Variants in PCDH15 observed in about 807,000 individuals in gnomAD.
PCDH15 encodes protocadherin-15.
PCDH15 carries 129 observed loss-of-function variants against 178.5 expected under a neutral mutation model. The ratio of observed to expected loss-of-function variants is 0.72; its 90% confidence interval spans 0.63 to 0.84. The LOEUF is 0.84. PCDH15 is among the 40% of genes least tolerant of loss of function. The pLI, the probability that PCDH15 is intolerant of heterozygous loss-of-function variation, is 0.00. For synonymous variants in PCDH15, 800 were observed against 732.0 expected (o/e 1.09, Z -1.50); for missense variants, 2,230 against 2,099.9 (o/e 1.06, Z -1.21).
At chr10:54,546,433 T>C (rs1019134404) in intron 2 of PCDH15, among the ~76,000 whole-genome samples, 1 of 152,112 alleles carries the variant, frequency 6.6e-6, no homozygotes, top group African/African-American at 2.4e-5. Flanking sequence ...GAAACATTAT[T>C]ATTGTTATTA....
At chr10:54,190,183 T>G (rs183625354) in intron 11 of PCDH15, among the ~76,000 whole-genome samples, 1 of 152,092 alleles carries the variant, frequency 6.6e-6, no homozygotes, top group African/African-American at 2.4e-5. Flanking sequence ...TTTACGCAAA[T>G]GGATCCAAAC....
intron 20 of PCDH15, among the ~76,000 whole-genome samples, chr10:53,999,685 C>T (rs1443730264): frequency 6.6e-6 from 1 of 152,104 alleles, no homozygotes; most frequent in Non-Finnish European, 1.5e-5. Context: ...AGTGCCTGCT[C>T]AGCCACAGTA....
At chr10:53,852,221 C>G (rs1412798732) in intron 28 of PCDH15, among the ~76,000 whole-genome samples, 1 of 151,920 alleles carries the variant, frequency 6.6e-6, no homozygotes, top group Non-Finnish European at 1.5e-5. Flanking sequence ...AATTATTTGT[C>G]CATTGTAGTT....
At chr10:54,413,160 A>G (rs1454853642) in intron 3 of PCDH15, among the ~76,000 whole-genome samples, 1 of 133,142 alleles carries the variant, frequency 7.5e-6, no homozygotes, top group Non-Finnish European at 1.7e-5. Flanking sequence ...AATGGTCTGT[A>G]TACAATATAG....
chr10:55,375,573 T>C (rs2131994564), intron 2 of PCDH15, among the ~76,000 whole-genome samples: 1 of 152,290 alleles, frequency 6.6e-6, no homozygotes, highest in Non-Finnish European at 1.5e-5. Context: ...GAGTGTCTTC[T>C]CTATGTCTAA....
chr10:53,979,603 G>A (rs756028217), intron 21 of PCDH15, among the ~76,000 whole-genome samples: 9 of 152,204 alleles, frequency 5.9e-5, no homozygotes, highest in Non-Finnish European at 1.0e-4. Context: ...TCTCAAGATG[G>A]TGGACAAGGA....
chr10:54,878,652 T>C (rs1271067440), intron 3 of PCDH15, among the ~76,000 whole-genome samples: 3 of 152,164 alleles, frequency 2.0e-5, no homozygotes, highest in African/African-American at 7.2e-5. Flanking sequence ...GATGAAATTA[T>C]GTATTTATTT....
chr10:54,319,391 C>G (rs146981206), intron 7 of PCDH15, among the ~76,000 whole-genome samples: 102 of 152,136 alleles, frequency 6.7e-4, no homozygotes, highest in African/African-American at 1.8e-3. Flanking sequence ...CATGAATGAG[C>G]CTTGAAAACA....
chr10:54,709,271 C>T (rs555369366), intron 1 of PCDH15, among the ~76,000 whole-genome samples: 2 of 151,872 alleles, frequency 1.3e-5, no homozygotes, highest in Non-Finnish European at 2.9e-5. Context: ...GAATTTTATA[C>T]GTAAGTAAAG....
intron 25 of PCDH15, among the ~76,000 whole-genome samples, chr10:53,920,580 T>C (rs535991072): frequency 6.6e-6 from 1 of 152,146 alleles, no homozygotes; most frequent in Non-Finnish European, 1.5e-5. Context: ...AATGTTATGA[T>C]GGAAGACTAG....
intron 2 of PCDH15, among the ~76,000 whole-genome samples, chr10:54,597,421 C>G (rs1247557724): frequency 6.6e-6 from 1 of 151,818 alleles, no homozygotes; most frequent in Non-Finnish European, 1.5e-5. Context: ...TATAATATAC[C>G]AGAATCTCTG....
intron 18 of PCDH15, among the ~76,000 whole-genome samples, chr10:54,031,042 C>A (rs2135418874): frequency 6.6e-6 from 1 of 152,154 alleles, no homozygotes; most frequent in South Asian, 2.1e-4. Context: ...TTTAACGCTT[C>A]TGCTTGGAGG....
At chr10:54,572,318 A>T (rs548636596) in intron 2 of PCDH15, among the ~76,000 whole-genome samples, 1 of 152,264 alleles carries the variant, frequency 6.6e-6, no homozygotes, top group South Asian at 2.1e-4. Flanking sequence ...CAGGTGTGCC[A>T]TAATGAGTGA....
intron 3 of PCDH15, among the ~76,000 whole-genome samples, chr10:54,494,710 C>T (rs1589707682): frequency 6.6e-6 from 1 of 152,160 alleles, no homozygotes; most frequent in Middle Eastern, 3.4e-3. Context: ...TAGTTTTTTT[C>T]TCTATTTTAA....
chr10:55,617,701 T>G (rs780084743), intron 2 of PCDH15, among the ~76,000 whole-genome samples: 3 of 152,054 alleles, frequency 2.0e-5, no homozygotes, highest in Non-Finnish European at 2.9e-5. Context: ...CTTTTAATTT[T>G]TATCCTAATT....
chr10:54,149,266 A>G (rs2044280462), intron 14 of PCDH15, among the ~76,000 whole-genome samples: 1 of 152,108 alleles, frequency 6.6e-6, no homozygotes, highest in Non-Finnish European at 1.5e-5. Flanking sequence ...TATATTCTTT[A>G]TATACTTTAC....
intron 1 of PCDH15, among the ~76,000 whole-genome samples, chr10:54,726,078 T>A (rs991229306): frequency 6.6e-6 from 1 of 151,466 alleles, no homozygotes; most frequent in Non-Finnish European, 1.5e-5. Context: ...GAATAAGAGC[T>A]TTACATTTTA....
chr10:53,925,258 G>A (rs879469479), intron 25 of PCDH15, among the ~76,000 whole-genome samples: 21 of 152,156 alleles, frequency 1.4e-4, no homozygotes, highest in Admixed American at 9.2e-4. Context: ...GCGAGACCAC[G>A]AACCCACTGG....
intron 2 of PCDH15, among the ~76,000 whole-genome samples, chr10:55,156,159 T>A (rs1838883386): frequency 6.6e-6 from 1 of 152,172 alleles, no homozygotes; most frequent in South Asian, 2.1e-4. Flanking sequence ...TGGATAATGA[T>A]CCTTCATGTG....
Sources: allele counts gnomAD v4.1 joint callset (sites outside exome capture counted in the v4.1 genomes callset), GRCh38; gene constraint gnomAD v4.1.1; transcripts MANE v1.5; gene names NCBI Gene and HGNC (gene_info 2026-07-23, HGNC 2026-07-21).